SNX32: variants seen among roughly 807,000 people sequenced by gnomAD.
The protein encoded by SNX32 is sorting nexin 32.
A neutral mutation model predicts 57.0 loss-of-function variants in SNX32; 58 were observed. The ratio of observed to expected loss-of-function variants is 1.02; its 90% confidence interval spans 0.82 to 1.27. The LOEUF is 1.27. Among genes scored for constraint, SNX32 ranks in the 50% most tolerant of loss-of-function variants. The pLI is 0.00. For synonymous variants in SNX32, 262 were observed against 220.4 expected, an observed-to-expected ratio of 1.19 and a Z score of -1.67; for missense variants, 589 against 541.2, an observed-to-expected ratio of 1.09 and a Z score of -0.88.
chr11:65,839,225 ATTTTTTTTTTTTT>A (rs1168882508), intron 1 of SNX32, among the ~76,000 whole-genome samples: 4 of 27,640 alleles, frequency 1.4e-4, no homozygotes, highest in African/African-American at 6.0e-4. Context: ...ATTTTTTTGT[ATTTTTTTTTTTTT>A]TTTTTTTTTG....
chr11:65,852,542 G>C lies in SNX32; in HGVS notation c.903G>C (p.Gln301His). 6.2e-7 allele frequency: 1 copy of C among 1,614,240 alleles called. No homozygotes were observed. The change falls in exon 10 of 13, where the codon CAG (glutamine) becomes CAC (histidine). Residue 301 changes from glutamine to histidine, a missense_variant. Physicochemically the swap from Gln to His is conservative, Grantham distance 24. Transcript: ENST00000308342. Reference protein sequence around the residue: ...DMLRYYMRDSQAAKDLLYRRL... With the variant: ...DMLRYYMRDSHAAKDLLYRRL... ...TGAGGTACTACATGCGTGACTCACA[G>C]GCAGCCAAGGTGAGAGGCAGCCCCA...
chr11:65,836,488 G>A (rs1310630894), intron 1 of SNX32, among the ~76,000 whole-genome samples: 1 of 152,178 alleles, frequency 6.6e-6, no homozygotes, highest in Non-Finnish European at 1.5e-5. Flanking sequence ...AGGTTGCAGT[G>A]AGCCAAGATC....
intron 4 of SNX32, 32 bp downstream of exon 4, chr11:65,850,303 A>C (rs748280829): frequency 1.9e-5 from 30 of 1,613,962 alleles, no homozygotes; most frequent in Non-Finnish European, 2.5e-5. Context: ...TGCCATCCCC[A>C]GAGTCCAGAT....
In SNX32 at chr11:65,851,109, C is replaced by T. The variant is rs372447462; in HGVS notation, c.658C>T (p.Arg220Cys). The T allele has an allele frequency of 6.8e-6, 11 of 1,613,724 alleles. No individual in the cohort carries two copies. The highest frequency in any genetic ancestry group is 4.0e-5 in the African/African-American group (3 of 74,908). ...GACCTTCCTGTTGGAGTATCACACC[C>T]GTATCCGAGATGCCTGCCTGCGGGC... ...ERTFLLEYHTRIRDACLRADR... is the reference protein window; with the variant it reads ...ERTFLLEYHTCIRDACLRADR... The change falls in exon 7 of 13, where the codon CGT (arginine) becomes TGT (cysteine). Residue 220 changes from arginine (R) to cysteine (C), a missense_variant. By Grantham distance (180) the Arg-to-Cys change is radical. Coordinates refer to ENST00000308342, the MANE Select transcript of SNX32 (RefSeq NM_152760.3).
rs11307931 is a variant in SNX32, at chr11:65,843,220, C to CA, written c.37-6242dup. 1.8e-3 allele frequency among the ~76,000 whole-genome samples: 193 copies of CA among 108,914 alleles called. 1 individual carries two copies. Among genetic ancestry groups the CA allele is most frequent in the African/African-American group, 6.9e-3 (190 of 27,510 alleles). 71.5% of individuals were successfully genotyped at this position (108,914 alleles called of 152,430 possible). A position where few individuals can be genotyped will look rare whatever the true frequency, so the allele number is the denominator to read the frequency against. On this transcript the variant is annotated intron_variant, in intron 1 of 12. Coordinates refer to ENST00000308342, the MANE Select transcript of SNX32 (RefSeq NM_152760.3). Reference sequence around the variant, plus strand: ...TGGGCGACAGAGCAAGACTCCGTCTCAAAAAAAAAAAAAAAAGAAAAAGAA... The same window carrying CA: ...TGGGCGACAGAGCAAGACTCCGTCTCAAAAAAAAAAAAAAAAAGAAAAAGAA...
Position 65,853,550 on chromosome 11 carries a change from G to A in SNX32, c.*215G>A. 1 of 596,420 alleles carries A rather than the reference G, an allele frequency of 1.7e-6. No individual in the cohort carries two copies. The highest frequency in any genetic ancestry group is 3.0e-6 in the Non-Finnish European group (1 of 335,106). The allele number at this position is 596,420 out of a possible 1,614,324, so 36.9% of individuals were successfully genotyped here. Reference sequence around the variant, plus strand: ...ACAGGGCAGCATGGGCATCATAACTGGCCACAGTCAGCAGAGCCCCAGGGA... The same window carrying A: ...ACAGGGCAGCATGGGCATCATAACTAGCCACAGTCAGCAGAGCCCCAGGGA... On this transcript the variant is annotated 3_prime_UTR_variant, in exon 13 of 13. Coordinates refer to ENST00000308342, the MANE Select transcript of SNX32 (RefSeq NM_152760.3).
At position 65,834,218 on chromosome 11, in the gene SNX32, T is replaced by G. The variant is rs913771371; in HGVS notation, c.36+117T>G. On this transcript the variant is annotated intron_variant, in intron 1 of 12. Coordinates refer to ENST00000308342, the MANE Select transcript of SNX32 (RefSeq NM_152760.3). ...GTGTGTGTGGTCTGCCTCTGTGTGT[T>G]TCTGTGTGTGTCTGTGTGTGTATAG... 40 of 1,046,784 alleles carry G rather than the reference T, an allele frequency of 3.8e-5. No homozygotes were observed. The Middle Eastern group carries it at 1.4e-3, about 38-fold the overall frequency. The allele number at this position is 1,046,784 out of a possible 1,614,324, so 64.8% of individuals were successfully genotyped here.
intron 1 of SNX32, among the ~76,000 whole-genome samples, chr11:65,846,518 A>G (rs1389652792): frequency 1.3e-5 from 2 of 151,496 alleles, no homozygotes; most frequent in Non-Finnish European, 2.9e-5. Flanking sequence ...GTGAGCTGAG[A>G]TCGTGCCATT....
At chr11:65,851,235 G>T in intron 7 of SNX32, 75 bp downstream of exon 7, 2 of 1,600,438 alleles carry the variant, frequency 1.2e-6, no homozygotes, top group East Asian at 2.2e-5. Flanking sequence ...GGAGAGAAGA[G>T]AGCAGGGCGT....
chr11:65,850,779 A>T lies in SNX32; in HGVS notation c.527A>T (p.Glu176Val). The change falls in exon 6 of 13, where the codon GAG becomes GTG. Residue 176 changes from glutamate to valine, a missense_variant. By Grantham distance (121) the Glu-to-Val change is moderately radical. Coordinates refer to ENST00000308342, the MANE Select transcript of SNX32 (RefSeq NM_152760.3). ...AGTGTCCGGGGGAAGAACAGGAAGG[A>T]GCTCCTCGGAGGGTTTCTGAGGAAT... ...DLSVRGKNRK[E>V]LLGGFLRNIV... The T allele has an allele frequency of 6.2e-7, 1 of 1,614,048 alleles. No individual in the cohort carries two copies. Among genetic ancestry groups the T allele is most frequent in the Non-Finnish European group, 8.5e-7 (1 of 1,179,980 alleles).
At chr11:65,845,393 G>A (rs1323528969) in intron 1 of SNX32, among the ~76,000 whole-genome samples, 11 of 144,678 alleles carry the variant, frequency 7.6e-5, no homozygotes, top group Non-Finnish European at 1.4e-4. Context: ...AGCTGAGATC[G>A]TGCCACTGCA....
At chr11:65,851,244 G>A (rs535647089) in intron 7 of SNX32, 84 bp downstream of exon 7, 16 of 1,597,428 alleles carry the variant, frequency 1.0e-5, no homozygotes, top group South Asian at 3.3e-5. Context: ...AGAGCAGGGC[G>A]TGCCTTGTTG....
rs1555032605 is a variant in SNX32, at chr11:65,839,215, A to ATTTTTTTTTTTTTT, written c.36+5121_36+5122insTTTTTTTTTTTTTT. ...AGCTGTGCCCCACCACGCCCAGCTA[A>ATTTTTTTTTTTTTT]TTTTTTTGTATTTTTTTTTTTTTTT... On this transcript the variant is annotated intron_variant, in intron 1 of 12. Coordinates refer to ENST00000308342, the MANE Select transcript of SNX32 (RefSeq NM_152760.3). 2.9e-3 allele frequency among the ~76,000 whole-genome samples: 56 copies of ATTTTTTTTTTTTTT among 19,516 alleles called. 1 individual carries two copies. The highest frequency in any genetic ancestry group is 4.9e-3 in the Non-Finnish European group (41 of 8,366). 12.8% of individuals were successfully genotyped at this position (19,516 alleles called of 152,430 possible). A position where few individuals can be genotyped will look rare whatever the true frequency, so the allele number is the denominator to read the frequency against.
At chr11:65,853,000 C>G in intron 12 of SNX32, 42 bp downstream of exon 12, 1 of 1,592,710 alleles carries the variant, frequency 6.3e-7, no homozygotes, top group South Asian at 1.1e-5. Context: ...AAGCCTCCCA[C>G]CTCCCACCTC....
In SNX32 at chr11:65,851,132, G is replaced by C; in HGVS notation, c.681G>C (p.Arg227=). Residue 227 remains arginine, a synonymous_variant, in exon 7 of 13, where the codon CGG becomes CGC. Coordinates refer to ENST00000308342, the MANE Select transcript of SNX32 (RefSeq NM_152760.3). ...YHTRIRDACL[R]ADRVMRAHKC... Reference sequence around the variant, plus strand: ...CCCGTATCCGAGATGCCTGCCTGCGGGCCGACCGCGTCATGCGCGCCCACA... The same window carrying C: ...CCCGTATCCGAGATGCCTGCCTGCGCGCCGACCGCGTCATGCGCGCCCACA... 1.2e-6 allele frequency: 2 copies of C among 1,613,196 alleles called. No homozygotes were observed. Among genetic ancestry groups the C allele is most frequent in the Non-Finnish European group, 1.7e-6 (2 of 1,180,006 alleles).
intron 3 of SNX32, 22 bp downstream of exon 3, chr11:65,850,052 G>C (rs757908643): frequency 6.2e-7 from 1 of 1,613,964 alleles, no homozygotes; most frequent in Non-Finnish European, 8.5e-7. Flanking sequence ...CTGGGCAGGG[G>C]CTGGGAGGGA....
At chr11:65,838,205 A>AGAAG (rs538205923) in intron 1 of SNX32, among the ~76,000 whole-genome samples, 8,542 of 151,056 alleles carry the variant, frequency 0.057, 251 homozygotes, top group Non-Finnish European at 0.065. Context: ...AAGGAAGAAA[A>AGAAG]GAAGGAAGGA....
intron 1 of SNX32, among the ~76,000 whole-genome samples, chr11:65,834,983 TTG>T (rs762145609): frequency 5.3e-5 from 8 of 149,772 alleles, no homozygotes; most frequent in Non-Finnish European, 8.9e-5. Context: ...GTGTATGTCG[TTG>T]TGTGTGTCTG....
rs1310449975 is a variant in SNX32 at position 65,839,220 on chromosome 11, TTTGTA to T, written c.36+5122_36+5126del. On this transcript the variant is annotated intron_variant, in intron 1 of 12. Coordinates refer to ENST00000308342, the MANE Select transcript of SNX32 (RefSeq NM_152760.3). ...TGCCCCACCACGCCCAGCTAATTTTTTTGTATTTTTTTTTTTTTTTTTTTTTTGAG... is the reference window on the plus strand; with the variant it reads ...TGCCCCACCACGCCCAGCTAATTTTTTTTTTTTTTTTTTTTTTTTTTTGAG... 1.2e-3 allele frequency among the ~76,000 whole-genome samples: 24 copies of T among 20,502 alleles called. 2 individuals are homozygous for T. Among genetic ancestry groups the T allele is most frequent in the Non-Finnish European group, 2.8e-3 (20 of 7,272 alleles). 13.5% of individuals were successfully genotyped at this position (20,502 alleles called of 152,430 possible).
Sources: allele counts gnomAD v4.1 joint callset (sites outside exome capture counted in the v4.1 genomes callset), GRCh38; gene constraint gnomAD v4.1.1; transcripts MANE v1.5; gene names NCBI Gene and HGNC (gene_info 2026-07-23, HGNC 2026-07-21).